TRPC1: variants seen among roughly 807,000 people sequenced by gnomAD.
TRPC1 encodes the protein transient receptor potential cation channel subfamily C member 1, also known as short transient receptor potential channel 1.
Under a neutral mutation model 88.2 loss-of-function variants are expected in TRPC1, and 42 were observed. The observed-to-expected ratio is 0.48, with a 90% confidence interval of 0.37 to 0.62. The LOEUF is 0.62. TRPC1 is among the 20% of genes least tolerant of loss of function. The pLI is 0.00. For synonymous variants in TRPC1, 288 were observed against 331.8 expected (o/e 0.87, Z 1.43); for missense variants, 699 against 957.3 (o/e 0.73, Z 3.56).
intron 3 of TRPC1, among the ~76,000 whole-genome samples, chr3:142,743,996 G>C (rs1258705841): frequency 1.3e-5 from 2 of 152,068 alleles, no homozygotes; most frequent in Non-Finnish European, 2.9e-5. Flanking sequence ...AATCACAGTG[G>C]CACAGTTTTT....
At chr3:142,744,764 T>G (rs1934482458) in intron 3 of TRPC1, among the ~76,000 whole-genome samples, 1 of 152,202 alleles carries the variant, frequency 6.6e-6, no homozygotes, top group Non-Finnish European at 1.5e-5. Flanking sequence ...TTTATTTTTC[T>G]TTATTGCTTT....
intron 5 of TRPC1, among the ~76,000 whole-genome samples, chr3:142,778,134 C>T (rs886778120): frequency 6.6e-6 from 1 of 152,194 alleles, no homozygotes; most frequent in African/African-American, 2.4e-5. Context: ...ACTCTATAAT[C>T]ATCCTTGAGT....
chr3:142,754,085 G>A (rs1339010509), intron 4 of TRPC1, among the ~76,000 whole-genome samples: 9 of 84,550 alleles, frequency 1.1e-4, no homozygotes, highest in East Asian at 3.4e-4. Context: ...GCGAGACTCC[G>A]TCTCAAAAAA....
chr3:142,785,120 T>G, intron 7 of TRPC1, 80 bp downstream of exon 7: 1 of 1,334,488 alleles, frequency 7.5e-7, no homozygotes, highest in South Asian at 1.5e-5. Context: ...TTGTGAATAT[T>G]GGGTTCAATT....
chr3:142,728,059 T>C (rs1440421238), intron 1 of TRPC1, among the ~76,000 whole-genome samples: 1 of 152,164 alleles, frequency 6.6e-6, no homozygotes, highest in African/African-American at 2.4e-5. Context: ...AACTGTTTGA[T>C]TTGCTGATGA....
intron 9 of TRPC1, among the ~76,000 whole-genome samples, chr3:142,794,754 C>A (rs111970146): frequency 6.6e-6 from 1 of 152,072 alleles, no homozygotes; most frequent in South Asian, 2.1e-4. Context: ...TCTCATCCGA[C>A]GGGATTAGAA....
chr3:142,745,651 A>C (rs968435162), intron 3 of TRPC1, among the ~76,000 whole-genome samples: 2 of 152,192 alleles, frequency 1.3e-5, no homozygotes, highest in Non-Finnish European at 2.9e-5. Flanking sequence ...TAAAACAAAA[A>C]AGAAAAAGAA....
At position 142,806,273 on chromosome 3, in the gene TRPC1, C is replaced by A; in HGVS notation, c.*38C>A. On this transcript the variant is annotated 3_prime_UTR_variant, in exon 13 of 13. Transcript: ENST00000476941. Reference sequence around the variant, plus strand: ...TCATGGAGCGAATAATTTTCAATAACAGATCCAAAAGACTATATTGCATAA... The same window carrying A: ...TCATGGAGCGAATAATTTTCAATAAAAGATCCAAAAGACTATATTGCATAA... The A allele has an allele frequency of 6.6e-7, 1 of 1,517,008 alleles. No individual in the cohort carries two copies. The highest frequency in any genetic ancestry group is 9.0e-7 in the Non-Finnish European group (1 of 1,105,352). The allele number at this position is 1,517,008 out of a possible 1,614,324, so 94.0% of individuals were successfully genotyped here. A position where few individuals can be genotyped will look rare whatever the true frequency, so the allele number is the denominator to read the frequency against.
chr3:142,741,282 A>G (rs1934336940), intron 2 of TRPC1, among the ~76,000 whole-genome samples: 1 of 152,018 alleles, frequency 6.6e-6, no homozygotes, highest in African/African-American at 2.4e-5. Flanking sequence ...AGTAAATGGT[A>G]ACTCCTTATT....
intron 3 of TRPC1, among the ~76,000 whole-genome samples, chr3:142,744,424 G>A (rs1934466365): frequency 6.6e-6 from 1 of 152,024 alleles, no homozygotes; most frequent in African/African-American, 2.4e-5. Context: ...CAGAAATGTG[G>A]ACAAAAATGT....
rs184330039 is a variant in TRPC1 at position 142,762,521 on chromosome 3, C to T, written c.632+14061C>T. Reference sequence around the variant, plus strand: ...CTCGGCCACTGCAACCTCCACCTCCCGGGTTGAAGCAATTCTCCCACCTCA... The same window carrying T: ...CTCGGCCACTGCAACCTCCACCTCCTGGGTTGAAGCAATTCTCCCACCTCA... On this transcript the variant is annotated intron_variant, in intron 4 of 12. Coordinates refer to ENST00000476941, the MANE Select transcript of TRPC1 (RefSeq NM_001251845.2). Among the ~76,000 whole-genome samples the T allele has an allele frequency of 5.9e-3, 883 of 149,670 alleles. 9 individuals are homozygous for T. Among genetic ancestry groups the T allele is most frequent in the African/African-American group, 0.02 (824 of 40,626 alleles).
intron 3 of TRPC1, 41 bp from the exon 4 acceptor site, chr3:142,748,217 C>T (rs778035798): frequency 6.6e-7 from 1 of 1,511,904 alleles, no homozygotes; most frequent in South Asian, 1.2e-5. Context: ...TTTTTGAAGT[C>T]ACAAATAATA....
At position 142,776,872 on chromosome 3, in the gene TRPC1, C is replaced by T. The variant is rs1185669361; in HGVS notation, c.633-760C>T. Among the ~76,000 whole-genome samples, 6 of 148,478 alleles carry T rather than the reference C, an allele frequency of 4.0e-5. No homozygotes were observed. Among genetic ancestry groups the T allele is most frequent in the South Asian group, 2.1e-4 (1 of 4,714 alleles). ...GAGCCGAGATCGTGCCATTGCACTC[C>T]GGTCTGGTGACAGAGTGAGACTCCA... On this transcript the variant is annotated intron_variant, in intron 4 of 12. Transcript: ENST00000476941. The surrounding 1 kb of genome is among the most constrained non-coding windows in gnomAD (Gnocchi z 4.1).
In TRPC1 at chr3:142,724,652, G is replaced by T. The variant is rs754986141; in HGVS notation, c.93G>T (p.Val31=). ...SSPSSSSPNE[V]MALKDVREVK... ...CATCCTCTTCCTCGCCGAACGAGGT[G>T]ATGGCGCTGAAGGATGTGCGGGAGG... The change falls in exon 1 of 13, where the codon GTG becomes GTT. Residue 31 remains valine (V), a synonymous_variant. Transcript: ENST00000476941. The surrounding 1 kb of genome is among the most constrained non-coding windows in gnomAD (Gnocchi z 5.6). 1 of 1,612,982 alleles carries T rather than the reference G, an allele frequency of 6.2e-7. No individual in the cohort carries two copies. The highest frequency in any genetic ancestry group is 8.5e-7 in the Non-Finnish European group (1 of 1,179,558).
At chr3:142,748,585 A>G (rs1229832959) in intron 4 of TRPC1, 125 bp downstream of exon 4, 2 of 896,866 alleles carry the variant, frequency 2.2e-6, no homozygotes, top group Non-Finnish European at 1.7e-6. Flanking sequence ...ATGAAAGCCA[A>G]ACTTGTAGCT....
At chr3:142,759,762 G>A (rs765724665) in intron 4 of TRPC1, among the ~76,000 whole-genome samples, 8 of 152,264 alleles carry the variant, frequency 5.3e-5, no homozygotes, top group Non-Finnish European at 1.0e-4. Flanking sequence ...CCCTGCCCAT[G>A]CCTATGTCCT....
intron 2 of TRPC1, among the ~76,000 whole-genome samples, chr3:142,741,003 A>G (rs1468260986): frequency 2.0e-5 from 3 of 152,076 alleles, no homozygotes; most frequent in Admixed American, 6.6e-5. Flanking sequence ...GGAAATACGT[A>G]ACTTTTTTAC....
intron 5 of TRPC1, among the ~76,000 whole-genome samples, chr3:142,779,910 C>T (rs1399263670): frequency 2.0e-5 from 3 of 146,980 alleles, no homozygotes; most frequent in East Asian, 4.0e-4. Context: ...GGCAGTGGCA[C>T]CATTTTGGCT....
chr3:142,756,610 C>T (rs1187310649), intron 4 of TRPC1, among the ~76,000 whole-genome samples: 3 of 152,076 alleles, frequency 2.0e-5, no homozygotes, highest in Admixed American at 6.5e-5. Context: ...CCGCCTGCCT[C>T]GGCCTCCCAA....
Sources: allele counts gnomAD v4.1 joint callset (sites outside exome capture counted in the v4.1 genomes callset), GRCh38; gene constraint gnomAD v4.1.1; non-coding constraint Gnocchi (gnomAD v3.1); transcripts MANE v1.5; gene names NCBI Gene and HGNC (gene_info 2026-07-23, HGNC 2026-07-21).